The following FBRSL1 variants were observed in gnomAD, a reference collection of about 807,000 sequenced individuals.
FBRSL1 encodes the protein fibrosin-1-like protein.
Under a neutral mutation model 89.6 loss-of-function variants are expected in FBRSL1, and 51 were observed. That is an observed-to-expected ratio of 0.57 (90% confidence interval 0.45 to 0.72). The LOEUF (loss-of-function observed/expected upper bound fraction) is 0.72, where lower values mean the gene tolerates loss of function less well. Among genes scored for constraint, FBRSL1 ranks in the 30% least tolerant of loss-of-function variants. The pLI is 0.00. For synonymous variants in FBRSL1, 779 were observed against 681.1 expected (o/e 1.14, Z -2.24); for missense variants, 1,618 against 1,451.8 (o/e 1.11, Z -1.86).
intron 2 of FBRSL1, chr12:132,511,822 G>C (rs958941637): frequency 2.0e-6 from 2 of 984,834 alleles, no homozygotes; most frequent in Non-Finnish European, 2.4e-6. Flanking sequence ...TTTGGCCTCC[G>C]GGCCCCCTCG....
intron 2 of FBRSL1, among the ~76,000 whole-genome samples, chr12:132,524,326 T>G (rs975312469): frequency 2.6e-5 from 4 of 152,216 alleles, no homozygotes. Flanking sequence ...TCCTCCAGTG[T>G]GGGTGCCTGC....
intron 5 of FBRSL1, among the ~76,000 whole-genome samples, chr12:132,564,452 G>A (rs542557855): frequency 1.4e-5 from 2 of 146,324 alleles, no homozygotes; most frequent in Non-Finnish European, 3.0e-5. Flanking sequence ...GGCTGGCTAC[G>A]CCTGGTGAGC....
chr12:132,564,011 G>C (rs1353425788), intron 5 of FBRSL1, among the ~76,000 whole-genome samples: 1 of 151,022 alleles, frequency 6.6e-6, no homozygotes, highest in Non-Finnish European at 1.5e-5. Flanking sequence ...CCCCTCGGCT[G>C]CTGTGGCTGG....
In FBRSL1 at chr12:132,569,923, C is replaced by G; in HGVS notation, c.692-3C>G. 1 of 1,396,192 alleles carries G rather than the reference C, an allele frequency of 7.2e-7. No individual in the cohort carries two copies. Among genetic ancestry groups the G allele is most frequent in the South Asian group, 1.6e-5 (1 of 62,434 alleles). The allele number at this position is 1,396,192 out of a possible 1,614,324, so 86.5% of individuals were successfully genotyped here. ...TCTGAACGCAGCCACCCTCTCTCTG[C>G]AGGCCCAGCGCTTGAGAAGTCGGAG... is the stretch of plus-strand genomic sequence containing the variant. On this transcript the variant is annotated splice_polypyrimidine_tract_variant and splice_region_variant and intron_variant, in intron 6 of 18. Transcript: ENST00000680143.
intron 2 of FBRSL1, chr12:132,510,218 C>G: frequency 8.1e-7 from 1 of 1,231,944 alleles, no homozygotes. Context: ...CGTTGCTCCC[C>G]ATTCCCGATC....
intron 14 of FBRSL1, among the ~76,000 whole-genome samples, chr12:132,574,913 T>C (rs1002528166): frequency 6.6e-6 from 1 of 151,984 alleles, no homozygotes; most frequent in African/African-American, 2.4e-5. Context: ...AGTGATTGAG[T>C]GTCTGCTGTG....
chr12:132,576,350 G>A lies in FBRSL1; in HGVS notation c.1702-449G>A, dbSNP rs565740442. Reference sequence around the variant, plus strand: ...TGGGATTACAGGCGCCCGCCACTGCGCCCAGCTAATTTTTGTATTTTTAGT... The same window carrying A: ...TGGGATTACAGGCGCCCGCCACTGCACCCAGCTAATTTTTGTATTTTTAGT... On this transcript the variant is annotated intron_variant, in intron 14 of 18. Coordinates refer to ENST00000680143, the MANE Select transcript of FBRSL1 (RefSeq NM_001367871.1). Among the ~76,000 whole-genome samples the A allele has an allele frequency of 3.9e-5, 6 of 152,022 alleles. No individual in the cohort carries two copies. The South Asian group carries it at 6.3e-4, about 16-fold the overall frequency.
chr12:132,503,270 C>T (rs545043397), intron 1 of FBRSL1, among the ~76,000 whole-genome samples: 86 of 152,288 alleles, frequency 5.6e-4, no homozygotes, highest in African/African-American at 1.9e-3. Context: ...GCTGCTGGTC[C>T]GTTGCTAGGC....
intron 4 of FBRSL1, among the ~76,000 whole-genome samples, chr12:132,538,610 G>A (rs1420796224): frequency 6.6e-6 from 1 of 152,200 alleles, no homozygotes; most frequent in African/African-American, 2.4e-5. Flanking sequence ...ACAGCCCATG[G>A]GGCCTTGGCA....
intron 1 of FBRSL1, among the ~76,000 whole-genome samples, 191 bp from the exon 2 acceptor site, chr12:132,507,962 G>T (rs1347267991): frequency 6.6e-6 from 1 of 152,040 alleles, no homozygotes; most frequent in African/African-American, 2.4e-5. Context: ...CCCCCATCCC[G>T]CAGCAGCATC....
intron 5 of FBRSL1, among the ~76,000 whole-genome samples, chr12:132,562,723 A>G (rs2039238256): frequency 6.6e-6 from 1 of 152,158 alleles, no homozygotes; most frequent in East Asian, 1.9e-4. Context: ...CCTCCAGTGC[A>G]GGGGCCCTTC....
chr12:132,572,771 C>G (rs2040123335), intron 11 of FBRSL1, 149 bp downstream of exon 11: 1 of 658,660 alleles, frequency 1.5e-6, no homozygotes, highest in Admixed American at 2.6e-5. Flanking sequence ...CGTGAGCAGC[C>G]CCTGCCAGGA....
chr12:132,504,638 G>T (rs1222823604), intron 1 of FBRSL1, among the ~76,000 whole-genome samples: 1 of 152,202 alleles, frequency 6.6e-6, no homozygotes, highest in African/African-American at 2.4e-5. Flanking sequence ...CGCTGCCTCA[G>T]CCTAGCAGGG....
intron 1 of FBRSL1, among the ~76,000 whole-genome samples, chr12:132,502,902 G>T (rs942986246): frequency 7.2e-6 from 1 of 138,266 alleles, no homozygotes; most frequent in Admixed American, 7.5e-5. Context: ...TCCACCTGCC[G>T]TGCCCCCTGC....
chr12:132,519,571 G>A (rs2035164822), intron 2 of FBRSL1, among the ~76,000 whole-genome samples: 1 of 152,222 alleles, frequency 6.6e-6, no homozygotes, highest in Non-Finnish European at 1.5e-5. Flanking sequence ...GCTGCCTTCA[G>A]CTCAATGTGA....
chr12:132,514,792 T>C (rs12315755), intron 2 of FBRSL1, among the ~76,000 whole-genome samples: 10,874 of 152,272 alleles, frequency 0.071, 402 homozygotes, highest in South Asian at 0.11. Flanking sequence ...AATAGGAGTG[T>C]TATGTGAGCC....
intron 4 of FBRSL1, among the ~76,000 whole-genome samples, chr12:132,533,867 G>A (rs992515798): frequency 6.6e-6 from 1 of 152,214 alleles, no homozygotes; most frequent in Non-Finnish European, 1.5e-5. Flanking sequence ...CTGCCAGGTC[G>A]GAAGGAAGGT....
intron 5 of FBRSL1, among the ~76,000 whole-genome samples, chr12:132,558,851 C>T (rs1302559921): frequency 6.6e-6 from 1 of 152,248 alleles, no homozygotes; most frequent in Non-Finnish European, 1.5e-5. Context: ...GGAGCCCAAG[C>T]CCTCTGTCCC....
chr12:132,568,262 A>T (rs1441978310), intron 6 of FBRSL1, among the ~76,000 whole-genome samples: 1 of 152,218 alleles, frequency 6.6e-6, no homozygotes, highest in Non-Finnish European at 1.5e-5. Flanking sequence ...TTCCAGCTGG[A>T]ACCACCCTTT....
Sources: gnomAD v4.1 joint callset for allele counts (sites outside exome capture counted in the v4.1 genomes callset) on GRCh38, gnomAD v4.1.1 for gene constraint, MANE v1.5 for transcripts, NCBI Gene and HGNC (gene_info 2026-07-23, HGNC 2026-07-21) for gene names.